Variants in ATG10 observed in about 807,000 individuals in gnomAD.
ATG10 encodes autophagy related 10.
A neutral mutation model predicts 32.1 loss-of-function variants in ATG10; 30 were observed. The ratio of observed to expected loss-of-function variants is 0.94; its 90% CI spans 0.70 to 1.27. The LOEUF (loss-of-function observed/expected upper bound fraction) is 1.27. Ranked by LOEUF, ATG10 falls within the 50% of genes most tolerant of loss-of-function variation. ATG10 has a pLI of 0.00. For synonymous variants in ATG10, 87 were observed against 91.5 expected, an observed-to-expected ratio of 0.95 and a Z score of 0.28; for missense variants, 233 against 262.3, an observed-to-expected ratio of 0.89 and a Z score of 0.77.
intron 3 of ATG10, among the ~76,000 whole-genome samples, chr5:82,128,233 T>C (rs1414887054): frequency 8.4e-6 from 1 of 119,726 alleles, no homozygotes; most frequent in Non-Finnish European, 1.8e-5. Flanking sequence ...GGGTCTTGAC[T>C]CTTTATCCAA....
intron 2 of ATG10, among the ~76,000 whole-genome samples, chr5:81,993,301 C>CCTTT (rs1477351470): frequency 1.7e-5 from 2 of 116,344 alleles, no homozygotes; most frequent in Non-Finnish European, 3.6e-5. Context: ...TTCTTTCTTT[C>CCTTT]CTTTCTTTCC....
chr5:82,018,750 C>T (rs142628895), intron 2 of ATG10, among the ~76,000 whole-genome samples: 196 of 152,288 alleles, frequency 1.3e-3, no homozygotes, highest in African/African-American at 4.4e-3. Context: ...TCACATGCCA[C>T]CTCCTTAATG....
Position 82,080,222 on chromosome 5 carries a change from T to A in ATG10, c.216+21620T>A, listed in dbSNP as rs576037141. On this transcript the variant is annotated intron_variant, in intron 3 of 7. Coordinates refer to ENST00000282185, the MANE Select transcript of ATG10 (RefSeq NM_031482.5). ...ACTTTTTGATGGGGTTGTTTTTTTC[T>A]TGTAAATTTGTTTGAGTTCTTTGTA... 5.8e-4 allele frequency among the ~76,000 whole-genome samples: 89 copies of A among 152,344 alleles called. 1 individual carries two copies. Among genetic ancestry groups the A allele is most frequent in the African/African-American group, 2.1e-3 (88 of 41,584 alleles).
At chr5:82,142,764 G>C (rs1208613505) in intron 3 of ATG10, among the ~76,000 whole-genome samples, 1 of 152,128 alleles carries the variant, frequency 6.6e-6, no homozygotes, top group East Asian at 1.9e-4. Flanking sequence ...TTAACTAGGG[G>C]AGTGGCAAAG....
intron 2 of ATG10, among the ~76,000 whole-genome samples, chr5:82,033,641 G>C (rs1406778467): frequency 6.6e-6 from 1 of 151,782 alleles, no homozygotes; most frequent in Non-Finnish European, 1.5e-5. Context: ...ACATTGGAGT[G>C]CATCACTGCT....
intron 3 of ATG10, among the ~76,000 whole-genome samples, chr5:82,124,596 G>A (rs1046051997): frequency 2.6e-5 from 4 of 151,860 alleles, no homozygotes; most frequent in Non-Finnish European, 4.4e-5. Flanking sequence ...ATGGTTTCCA[G>A]CTTTATCCAT....
At chr5:82,122,663 C>G (rs1766089787) in intron 3 of ATG10, among the ~76,000 whole-genome samples, 1 of 152,096 alleles carries the variant, frequency 6.6e-6, no homozygotes, top group Non-Finnish European at 1.5e-5. Context: ...AACAAATTTA[C>G]AATAGAAAAA....
At chr5:82,223,665 C>T (rs1746012824) in intron 5 of ATG10, among the ~76,000 whole-genome samples, 1 of 152,078 alleles carries the variant, frequency 6.6e-6, no homozygotes, top group Non-Finnish European at 1.5e-5. Flanking sequence ...GCACAGATTA[C>T]ACAGAAGAAT....
chr5:82,095,143 G>T (rs1180898537), intron 3 of ATG10, among the ~76,000 whole-genome samples: 1 of 151,996 alleles, frequency 6.6e-6, no homozygotes, highest in Non-Finnish European at 1.5e-5. Context: ...TATATAGAAG[G>T]GTTGCAAAGT....
chr5:82,220,526 T>G (rs998961394), intron 5 of ATG10, among the ~76,000 whole-genome samples: 4 of 152,038 alleles, frequency 2.6e-5, no homozygotes, highest in Non-Finnish European at 5.9e-5. Flanking sequence ...CCTCCCAAAG[T>G]GCTGGGATTA....
At chr5:81,981,783 C>T (rs1367230586) in intron 1 of ATG10, among the ~76,000 whole-genome samples, 2 of 152,026 alleles carry the variant, frequency 1.3e-5, no homozygotes, top group African/African-American at 4.8e-5. Context: ...AAAACAATAA[C>T]AAAGAATTAG....
At chr5:82,044,180 G>T (rs1763167988) in intron 2 of ATG10, among the ~76,000 whole-genome samples, 1 of 152,106 alleles carries the variant, frequency 6.6e-6, no homozygotes, top group African/African-American at 2.4e-5. Flanking sequence ...ATGGGGGAAG[G>T]TGAAAGGGAA....
chr5:82,020,415 G>A (rs1041327947), intron 2 of ATG10, among the ~76,000 whole-genome samples: 1 of 152,136 alleles, frequency 6.6e-6, no homozygotes, highest in Non-Finnish European at 1.5e-5. Context: ...AAAAAGTTAC[G>A]GACTGGGACC....
chr5:82,037,169 C>G (rs558067384), intron 2 of ATG10, among the ~76,000 whole-genome samples: 334 of 142,488 alleles, frequency 2.3e-3, no homozygotes, highest in Non-Finnish European at 4.2e-3. Flanking sequence ...AGTTGAGTCC[C>G]TTAGATTATT....
At chr5:82,183,778 T>C (rs1437416195) in intron 5 of ATG10, among the ~76,000 whole-genome samples, 1 of 152,214 alleles carries the variant, frequency 6.6e-6, no homozygotes, top group African/African-American at 2.4e-5. Context: ...TTTCCCTTTG[T>C]GAGCTAGCTT....
At chr5:82,054,471 C>T (rs1763525635) in intron 2 of ATG10, among the ~76,000 whole-genome samples, 1 of 152,180 alleles carries the variant, frequency 6.6e-6, no homozygotes, top group Non-Finnish European at 1.5e-5. Flanking sequence ...AAGTGCAAAG[C>T]ACTGGCCCAC....
intron 1 of ATG10, among the ~76,000 whole-genome samples, chr5:81,975,871 A>C (rs886636208): frequency 6.6e-6 from 1 of 152,052 alleles, no homozygotes; most frequent in Non-Finnish European, 1.5e-5. Flanking sequence ...TATATAATAT[A>C]TAATAACATA....
chr5:82,186,257 A>G (rs1329387876), intron 5 of ATG10, among the ~76,000 whole-genome samples: 3 of 152,202 alleles, frequency 2.0e-5, no homozygotes, highest in African/African-American at 4.8e-5. Context: ...CTGAGTTTCT[A>G]AGTATTAGCT....
intron 5 of ATG10, among the ~76,000 whole-genome samples, chr5:82,196,822 A>G (rs893302352): frequency 6.6e-6 from 1 of 152,154 alleles, no homozygotes; most frequent in African/African-American, 2.4e-5. Flanking sequence ...AAATTGGGAA[A>G]CGTAAGCCCA....
Sources: allele counts gnomAD v4.1 joint callset (sites outside exome capture counted in the v4.1 genomes callset), GRCh38; gene constraint gnomAD v4.1.1; transcripts MANE v1.5; gene names NCBI Gene and HGNC (gene_info 2026-07-23, HGNC 2026-07-21).